Variants in FBXL18 observed in about 807,000 individuals in gnomAD.
The protein encoded by FBXL18 is F-box and leucine rich repeat protein 18.
Under a neutral mutation model 46.0 loss-of-function variants are expected in FBXL18, and 36 were observed. That is an observed-to-expected ratio of 0.78 (90% CI 0.60 to 1.03). The LOEUF (loss-of-function observed/expected upper bound fraction) is 1.03. Among genes scored for constraint, FBXL18 ranks in the 50% least tolerant of loss-of-function variants. FBXL18 has a pLI of 0.00. For synonymous variants in FBXL18, 557 were observed against 465.3 expected (o/e 1.20, Z -2.54); for missense variants, 977 against 1,004.1 (o/e 0.97, Z 0.36).
In FBXL18 at chr7:5,481,569, A is replaced by C; in HGVS notation, c.*206T>G. Reference sequence around the variant, plus strand: ...TCCCCCGAGCCCCCTCATGTCACCCAGAACGCATCCCCTCGACCTAAACTT... The same window carrying C: ...TCCCCCGAGCCCCCTCATGTCACCCCGAACGCATCCCCTCGACCTAAACTT... On this transcript the variant is annotated 3_prime_UTR_variant, in exon 5 of 5. Transcript: ENST00000382368. 17 of 509,208 alleles carry C rather than the reference A, an allele frequency of 3.3e-5. No homozygotes were observed. The highest frequency in any genetic ancestry group is 1.1e-4 in the East Asian group (3 of 26,874). The allele number at this position is 509,208 out of a possible 1,614,324, so 31.5% of individuals were successfully genotyped here.
At position 5,480,227 on chromosome 7, in the gene FBXL18, G is replaced by A. The variant is rs1451883615; in HGVS notation, c.*1548C>T. ...CACGGAAACCCAGGAGGAGGAAGGC[G>A]GGCTGGACAAGGGGCCCTTCACCAA... On this transcript the variant is annotated 3_prime_UTR_variant, in exon 5 of 5. Coordinates refer to ENST00000382368, the MANE Select transcript of FBXL18 (RefSeq NM_024963.6). 6.9e-6 allele frequency among the ~76,000 whole-genome samples: 1 copy of A among 145,820 alleles called. No homozygotes were observed.
chr7:5,474,899 G>A (rs559723639), downstream of FBXL18, among the ~76,000 whole-genome samples: 88 of 149,520 alleles, frequency 5.9e-4, 1 homozygote, highest in Non-Finnish European at 9.4e-4. Flanking sequence ...CAGTAGAGAC[G>A]GGGTTTCACC....
rs1451396859 is a variant in FBXL18, at chr7:5,459,757, C to A, written c.2001-11914G>T. Among the ~76,000 whole-genome samples the A allele has an allele frequency of 2.8e-3, 396 of 138,980 alleles. 1 individual carries two copies. Among genetic ancestry groups the A allele is most frequent in the African/African-American group, 6.3e-3 (242 of 38,320 alleles). The allele number at this position is 138,980 out of a possible 152,430, so 91.2% of individuals were successfully genotyped here. On this transcript the variant is annotated intron_variant and NMD_transcript_variant, in intron 4 of 6. Coordinates refer to the FBXL18 transcript ENST00000415009. Reference sequence around the variant, plus strand: ...TCCATCTCAAAAAAAAAAAAAAATACAAAAAATTAGCTGGGCATGGTGGTG... The same window carrying A: ...TCCATCTCAAAAAAAAAAAAAAATAAAAAAAATTAGCTGGGCATGGTGGTG...
rs529069291 is a variant in FBXL18, at chr7:5,479,934, G to C, written c.*1841C>G. The C allele has an allele frequency of 6.6e-6, 1 of 152,596 alleles. No homozygotes were observed. Among genetic ancestry groups the C allele is most frequent in the South Asian group, 2.1e-4 (1 of 4,840 alleles). The allele number at this position is 152,596 out of a possible 1,614,324, so 9.5% of individuals were successfully genotyped here. A position where few individuals can be genotyped will look rare whatever the true frequency, so the allele number is the denominator to read the frequency against. ...TCAAACCCCAGATCCACCTGTGCCA[G>C]TGAGCAGAGGCGCCAGGGTGGGGTC... is the stretch of plus-strand genomic sequence containing the variant. On this transcript the variant is annotated 3_prime_UTR_variant, in exon 5 of 5. Coordinates refer to ENST00000382368, the MANE Select transcript of FBXL18 (RefSeq NM_024963.6).
rs564872702 is a variant in FBXL18, at chr7:5,492,285, T to G, written c.1782-836A>C. Among the ~76,000 whole-genome samples, 3 of 150,882 alleles carry G rather than the reference T, an allele frequency of 2.0e-5. No homozygotes were observed. The South Asian group carries it at 6.4e-4, about 32-fold the overall frequency. On this transcript the variant is annotated intron_variant, in intron 3 of 4. Coordinates refer to ENST00000382368, the MANE Select transcript of FBXL18 (RefSeq NM_024963.6). ...ATGTCTCGAAGTACAGTGGCAGATG[T>G]GGGGATGTGGCGCTGCTGAGGACAG...
intron 1 of FBXL18, among the ~76,000 whole-genome samples, chr7:5,507,370 G>T (rs979185127): frequency 6.6e-6 from 1 of 152,120 alleles, no homozygotes; most frequent in African/African-American, 2.4e-5. Flanking sequence ...CCCTAGACAG[G>T]TGTGCTGGAA....
At chr7:5,454,903 C>T (rs554223764) in intron 4 of FBXL18, among the ~76,000 whole-genome samples, 5 of 152,314 alleles carry the variant, frequency 3.3e-5, no homozygotes, top group Non-Finnish European at 7.3e-5. Context: ...TTGGCTAAGC[C>T]GCTGTTGTTT....
At chr7:5,466,536 T>A (rs1248491020) in intron 4 of FBXL18, among the ~76,000 whole-genome samples, 1 of 152,152 alleles carries the variant, frequency 6.6e-6, no homozygotes, top group Admixed American at 6.5e-5. Context: ...CGGCTCTTCC[T>A]CTCCTGCCTC....
chr7:5,508,924 T>C (rs1784459930), intron 1 of FBXL18, among the ~76,000 whole-genome samples: 1 of 152,092 alleles, frequency 6.6e-6, no homozygotes, highest in Admixed American at 6.6e-5. Context: ...TGTAATGCTG[T>C]GCTCACGCCT....
In FBXL18 at chr7:5,500,698, A is replaced by T; in HGVS notation, c.1571T>A (p.Val524Glu). The change falls in exon 3 of 5, where the codon GTG becomes GAG. Residue 524 changes from valine to glutamate, a missense_variant. By Grantham distance (121) the Val-to-Glu change is moderately radical. Coordinates refer to ENST00000382368, the MANE Select transcript of FBXL18 (RefSeq NM_024963.6). The part of the protein sequence containing the change: ...SRAQSVGDSE[V>E]AAIGQLAFLR... ...GAAGGCCAGCTGGCCGATGGCGGCC[A>T]CCTCCGAGTCCCCGACACTCTGTGC... 6.2e-7 allele frequency: 1 copy of T among 1,610,404 alleles called. No individual in the cohort carries two copies. The highest frequency in any genetic ancestry group is 1.3e-5 in the African/African-American group (1 of 74,952).
chr7:5,508,979 G>T (rs1389715105), intron 1 of FBXL18, among the ~76,000 whole-genome samples: 1 of 152,112 alleles, frequency 6.6e-6, no homozygotes, highest in East Asian at 1.9e-4. Context: ...GATCACCTGA[G>T]GTCAGGAGTT....
chr7:5,501,768 C>T lies in FBXL18; in HGVS notation c.501G>A (p.Lys167=), dbSNP rs746521754. The T allele has an allele frequency of 5.1e-6, 8 of 1,559,328 alleles. No individual in the cohort carries two copies. In the South Asian group the frequency reaches 9.4e-5, roughly 18 times the overall value. The part of the protein sequence containing the change: ...FDASQLSSEC[K]ATLSRVRELK... The stretch of plus-strand genomic sequence containing the variant: ...GCTCCCGCACGCGGCTCAGGGTGGC[C>T]TTGCACTCGCTGCTCAGCTGGCTGG... The change falls in exon 3 of 5, where the codon AAG becomes AAA. Residue 167 remains lysine (K), a synonymous_variant. Transcript: ENST00000382368.
chr7:5,511,792 T>C (rs1173138985), intron 1 of FBXL18, among the ~76,000 whole-genome samples: 2 of 145,412 alleles, frequency 1.4e-5, no homozygotes, highest in East Asian at 4.2e-4. Context: ...GGATCTGAAA[T>C]CTTATTACCT....
intron 4 of FBXL18, among the ~76,000 whole-genome samples, chr7:5,463,003 A>ATATATATATATG (rs1783278719): frequency 2.7e-5 from 3 of 111,392 alleles, no homozygotes; most frequent in Non-Finnish European, 1.9e-5. Flanking sequence ...TATAATATAT[A>ATATATATATATG]TACACACACA....
chr7:5,502,861 G>T, intron 2 of FBXL18, among the ~76,000 whole-genome samples: 1 of 151,810 alleles, frequency 6.6e-6, no homozygotes, highest in South Asian at 2.1e-4. Context: ...GTTTGGTGGT[G>T]GTTCCTCAAA....
Position 5,478,003 on chromosome 7 carries a change from G to A in FBXL18, c.*3772C>T, listed in dbSNP as rs1233343812. The A allele has an allele frequency of 2.6e-5, 4 of 152,378 alleles. No homozygotes were observed. The highest frequency in any genetic ancestry group is 9.6e-5 in the African/African-American group (4 of 41,474). The allele number at this position is 152,378 out of a possible 1,614,324, so 9.4% of individuals were successfully genotyped here. On this transcript the variant is annotated 3_prime_UTR_variant, in exon 5 of 5. Coordinates refer to ENST00000382368, the MANE Select transcript of FBXL18 (RefSeq NM_024963.6). ...GCCTGAGCCCAGCCCCGGTCCCCTG[G>A]GTCCAACGGCCTGTGGCTCTGGGTC... is the stretch of plus-strand genomic sequence containing the variant.
At position 5,505,394 on chromosome 7, in the gene FBXL18, G is replaced by GC. The variant is rs970546354; in HGVS notation, c.237+17dup. 1 of 1,609,584 alleles carries GC rather than the reference G, an allele frequency of 6.2e-7. No homozygotes were observed. Among genetic ancestry groups the GC allele is most frequent in the East Asian group, 2.2e-5 (1 of 44,830 alleles). On this transcript the variant is annotated intron_variant, in intron 2 of 4. Transcript: ENST00000382368. ...AGATCTAGCTTGTTTCTCATCTCCTGCCCCCACGCCTGCTCACCTGATAGT... is the reference window on the plus strand; with the variant it reads ...AGATCTAGCTTGTTTCTCATCTCCTGCCCCCCACGCCTGCTCACCTGATAGT...
chr7:5,487,069 G>C (rs1783795508), intron 4 of FBXL18, among the ~76,000 whole-genome samples: 1 of 152,274 alleles, frequency 6.6e-6, no homozygotes, highest in African/African-American at 2.4e-5. Flanking sequence ...AGCGCCACCT[G>C]CTGGGCCTTG....
At chr7:5,490,261 G>A in intron 4 of FBXL18, 1 of 1,274,654 alleles carries the variant, frequency 7.8e-7, no homozygotes, top group South Asian at 1.3e-5. Context: ...TGCCCCCTTG[G>A]CCGGGCGCAC....
Sources: allele counts gnomAD v4.1 joint callset (sites outside exome capture counted in the v4.1 genomes callset), GRCh38; gene constraint gnomAD v4.1.1; transcripts MANE v1.5; gene names NCBI Gene and HGNC (gene_info 2026-07-23, HGNC 2026-07-21).